MACF1: variants seen among roughly 807,000 people sequenced by gnomAD.
MACF1 encodes microtubule-actin cross-linking factor 1.
MACF1 carries 193 observed loss-of-function variants against 854.8 expected under a neutral mutation model. That is an observed-to-expected ratio of 0.23 (90% CI 0.20 to 0.25). The LOEUF is 0.25. Ranked by LOEUF, MACF1 falls within the 10% of genes least tolerant of loss-of-function variation. The pLI, the probability that MACF1 is intolerant of heterozygous loss-of-function variation, is 1.00. For synonymous variants in MACF1, 3,185 were observed against 3,226.7 expected, an observed-to-expected ratio of 0.99 and a Z score of 0.44; for missense variants, 7,722 against 8,929.1, an observed-to-expected ratio of 0.86 and a Z score of 5.45.
In MACF1 at chr1:39,349,443, C is replaced by T. The variant is rs376103331; in HGVS notation, c.10816-35C>T. 1.0e-4 allele frequency: 162 copies of T among 1,564,100 alleles called. 1 individual carries two copies. In the East Asian group the frequency reaches 2.2e-3, roughly 22 times the overall value. On this transcript the variant is annotated intron_variant, in intron 41 of 100. Coordinates refer to ENST00000564288, the MANE Select transcript of MACF1 (RefSeq NM_001394062.1). ...TCTTGTATTTGCAAAATGTGAATTA[C>T]GAAATGTCTCTTGACCCCTTTGCAT...
intron 61 of MACF1, among the ~76,000 whole-genome samples, chr1:39,424,784 G>T (rs1460062989): frequency 1.3e-5 from 2 of 152,144 alleles, no homozygotes; most frequent in Non-Finnish European, 2.9e-5. Context: ...AGCTTAATAA[G>T]TCACATAGAT....
rs1281332777 is a variant in MACF1, at chr1:39,409,067, C to T, written c.15817-13307C>T. Among the ~76,000 whole-genome samples the T allele has an allele frequency of 6.6e-6, 1 of 151,886 alleles. No individual in the cohort carries two copies. Among genetic ancestry groups the T allele is most frequent in the Non-Finnish European group, 1.5e-5 (1 of 67,918 alleles). On this transcript the variant is annotated intron_variant, in intron 58 of 100. Coordinates refer to ENST00000564288, the MANE Select transcript of MACF1 (RefSeq NM_001394062.1). This position sits in a 1 kb window ranked among gnomAD's most constrained non-coding sequence, Gnocchi z 4.2. ...GGGGAAGGGGGAGGAGAGCCGCCCGCCAGCCGAGCACTTCCAGCGAGCTAG... is the reference window on the plus strand; with the variant it reads ...GGGGAAGGGGGAGGAGAGCCGCCCGTCAGCCGAGCACTTCCAGCGAGCTAG...
At chr1:39,370,722 T>C (rs1226169666) in intron 51 of MACF1, among the ~76,000 whole-genome samples, 1 of 152,230 alleles carries the variant, frequency 6.6e-6, no homozygotes, top group Admixed American at 6.5e-5. Flanking sequence ...GAAAAGCGTT[T>C]GATTGCTTTC....
chr1:39,121,995 C>T (rs1469351148), intron 2 of MACF1, among the ~76,000 whole-genome samples: 1 of 152,068 alleles, frequency 6.6e-6, no homozygotes, highest in African/African-American at 2.4e-5. Flanking sequence ...TCAGACTACT[C>T]TTGAAAATGG....
chr1:39,238,740 C>T (rs1414839352), intron 2 of MACF1, among the ~76,000 whole-genome samples: 1 of 152,208 alleles, frequency 6.6e-6, no homozygotes, highest in Non-Finnish European at 1.5e-5. Flanking sequence ...TTTCTTAAAT[C>T]CTTGGTGATT....
rs185595879 is a variant in MACF1 at position 39,345,866 on chromosome 1, G to A, written c.10582-1111G>A. Reference sequence around the variant, plus strand: ...GCAGATCACTTGAGGCCGGGAGTTCGAGACAAGCCTGGCCAACATGGCAAA... The same window carrying A: ...GCAGATCACTTGAGGCCGGGAGTTCAAGACAAGCCTGGCCAACATGGCAAA... On this transcript the variant is annotated intron_variant, in intron 40 of 100. Transcript: ENST00000564288. Among the ~76,000 whole-genome samples, 520 of 152,136 alleles carry A rather than the reference G, an allele frequency of 3.4e-3. 4 individuals carry two copies. Among genetic ancestry groups the A allele is most frequent in the Admixed American group, 5.7e-3 (87 of 15,270 alleles).
At chr1:39,107,347 C>G (rs2148138787) in intron 2 of MACF1, among the ~76,000 whole-genome samples, 1 of 151,674 alleles carries the variant, frequency 6.6e-6, no homozygotes, top group Admixed American at 6.6e-5. Context: ...TTTTAGCTGT[C>G]TCACTCAGTT....
At chr1:39,432,141 A>G (rs1643885869) in intron 66 of MACF1, among the ~76,000 whole-genome samples, 1 of 152,236 alleles carries the variant, frequency 6.6e-6, no homozygotes, top group Non-Finnish European at 1.5e-5. Context: ...AACTTGACTC[A>G]TCCGTCTACT....
chr1:39,433,394 G>A (rs191399720), intron 68 of MACF1, among the ~76,000 whole-genome samples: 2 of 152,212 alleles, frequency 1.3e-5, no homozygotes, highest in African/African-American at 2.4e-5. Context: ...TTATAACAGG[G>A]GAATTGCTAC....
rs764951315 is a variant in MACF1, at chr1:39,371,319, CAAAAAAAAAA to C, written c.13095+1145_13096-1139del. On this transcript the variant is annotated intron_variant, in intron 51 of 100. Coordinates refer to ENST00000564288, the MANE Select transcript of MACF1 (RefSeq NM_001394062.1). Reference sequence around the variant, plus strand: ...GGTGATAGAGAGTGAGACTCTGTCTCAAAAAAAAAAAAAAAAAAAAAGAGTGATTAATTAA... The same window carrying C: ...GGTGATAGAGAGTGAGACTCTGTCTCAAAAAAAAAAAGAGTGATTAATTAA... 1.2e-4 allele frequency among the ~76,000 whole-genome samples: 10 copies of C among 81,296 alleles called. No individual in the cohort carries two copies. The East Asian group carries it at 3.1e-3, about 25-fold the overall frequency. 53.3% of individuals were successfully genotyped at this position (81,296 alleles called of 152,430 possible). A position where few individuals can be genotyped will look rare whatever the true frequency, so the allele number is the denominator to read the frequency against.
chr1:39,281,257 G>A (rs1254779228), intron 6 of MACF1, among the ~76,000 whole-genome samples: 2 of 152,058 alleles, frequency 1.3e-5, no homozygotes, highest in African/African-American at 4.8e-5. Context: ...ACTCCATAGA[G>A]GTAACTATGA....
At chr1:39,237,292 C>T (rs896930791) in intron 2 of MACF1, among the ~76,000 whole-genome samples, 8 of 152,192 alleles carry the variant, frequency 5.3e-5, no homozygotes, top group Admixed American at 5.2e-4. Flanking sequence ...CAGATTAAAT[C>T]AATTGCAACT....
chr1:39,407,926 T>TG (rs1385915638), intron 58 of MACF1, among the ~76,000 whole-genome samples: 1 of 152,230 alleles, frequency 6.6e-6, no homozygotes, highest in Non-Finnish European at 1.5e-5. Context: ...CGTTCAGAGA[T>TG]GCAGCTGCCT....
intron 2 of MACF1, among the ~76,000 whole-genome samples, chr1:39,194,262 A>G (rs1644289542): frequency 6.6e-6 from 1 of 151,420 alleles, no homozygotes; most frequent in Non-Finnish European, 1.5e-5. Context: ...TAGGAAGGCC[A>G]TCTAGAGTTA....
chr1:39,466,410 C>A (rs931000997), intron 95 of MACF1, among the ~76,000 whole-genome samples: 3 of 152,184 alleles, frequency 2.0e-5, no homozygotes, highest in African/African-American at 7.2e-5. Flanking sequence ...AAGTTAGAAT[C>A]TTTCAAAGAG....
chr1:39,129,322 T>C (rs995123062), intron 2 of MACF1, among the ~76,000 whole-genome samples: 11 of 152,150 alleles, frequency 7.2e-5, no homozygotes, highest in Admixed American at 5.9e-4. Flanking sequence ...GATGGGAGGA[T>C]GCTACCTTGT....
chr1:39,477,067 A>G (rs1644903992), intron 97 of MACF1, among the ~76,000 whole-genome samples: 1 of 15,450 alleles, frequency 6.5e-5, no homozygotes, highest in Admixed American at 7.7e-4. Flanking sequence ...ATATATATAT[A>G]TATATATATA....
intron 2 of MACF1, among the ~76,000 whole-genome samples, chr1:39,188,330 C>G (rs891737752): frequency 4.6e-5 from 7 of 152,044 alleles, no homozygotes; most frequent in African/African-American, 1.4e-4. Context: ...ATTGCTTGAG[C>G]CCCGGAGGTT....
At chr1:39,256,619 T>C (rs1645099742) in intron 5 of MACF1, among the ~76,000 whole-genome samples, 1 of 152,016 alleles carries the variant, frequency 6.6e-6, no homozygotes, top group African/African-American at 2.4e-5. Flanking sequence ...AGTAGGGTGG[T>C]TTGCCCAGGA....
Sources: allele counts gnomAD v4.1 joint callset (sites outside exome capture counted in the v4.1 genomes callset), GRCh38; gene constraint gnomAD v4.1.1; non-coding constraint Gnocchi (gnomAD v3.1); transcripts MANE v1.5; gene names NCBI Gene and HGNC (gene_info 2026-07-23, HGNC 2026-07-21).